RGS7: variants seen among roughly 807,000 people sequenced by gnomAD.
RGS7 encodes the protein regulator of G protein signaling 7.
In RGS7, 27 loss-of-function variants were observed where a neutral mutation model predicts 81.1. The ratio of observed to expected loss-of-function variants is 0.33; its 90% CI spans 0.25 to 0.46. The LOEUF is 0.46. RGS7 is among the 20% of genes least tolerant of loss of function. The pLI is 1.00. For missense variants in RGS7, 396 were observed against 607.4 expected, an observed-to-expected ratio of 0.65 and a Z score of 3.66; for synonymous variants, 208 against 207.7, an observed-to-expected ratio of 1.00 and a Z score of -0.01.
At chr1:241,275,685 A>G (rs1043407895) in intron 2 of RGS7, among the ~76,000 whole-genome samples, 3 of 152,182 alleles carry the variant, frequency 2.0e-5, no homozygotes, top group African/African-American at 7.2e-5. Flanking sequence ...TAATGATTCC[A>G]CAGAGCCCTA....
At chr1:240,856,915 A>T (rs1323145367) in intron 9 of RGS7, among the ~76,000 whole-genome samples, 1 of 152,216 alleles carries the variant, frequency 6.6e-6, no homozygotes. Flanking sequence ...GTCAAGAATG[A>T]ATCTACCAAA....
Position 240,868,097 on chromosome 1 carries a change from GAAAA to G in RGS7, c.609+486_609+489del, listed in dbSNP as rs1215198958. On this transcript the variant is annotated intron_variant, in intron 9 of 18. Coordinates refer to ENST00000440928, the MANE Select transcript of RGS7 (RefSeq NM_001364886.1). The surrounding 1 kb of genome is among the most constrained non-coding windows in gnomAD (Gnocchi z 5.1). Reference sequence around the variant, plus strand: ...AAGAAAGAAAGAAAAAGAAAGAAAAGAAAAAGAAAGAAAAGAAAAGGAAAGAAAG... The same window carrying G: ...AAGAAAGAAAGAAAAAGAAAGAAAAGAGAAAGAAAAGAAAAGGAAAGAAAG... 8.1e-6 allele frequency among the ~76,000 whole-genome samples: 1 copy of G among 123,086 alleles called. No homozygotes were observed. The highest frequency in any genetic ancestry group is 3.2e-5 in the African/African-American group (1 of 31,056). The allele number at this position is 123,086 out of a possible 152,430, so 80.7% of individuals were successfully genotyped here. A position where few individuals can be genotyped will look rare whatever the true frequency, so the allele number is the denominator to read the frequency against.
At chr1:241,182,402 T>C (rs11811203) in intron 2 of RGS7, among the ~76,000 whole-genome samples, 59,892 of 152,010 alleles carry the variant, frequency 0.39, 12,313 homozygotes, top group Non-Finnish European at 0.45. Context: ...ACTGAGAGAA[T>C]TGAATGAAGT....
chr1:241,083,832 TTCTC>T (rs2063287111), intron 3 of RGS7, among the ~76,000 whole-genome samples: 1 of 152,188 alleles, frequency 6.6e-6, no homozygotes, highest in African/African-American at 2.4e-5. Context: ...AGCAATCTAT[TTCTC>T]TCTTAATTTC....
At chr1:241,230,404 G>T (rs1247255234) in intron 2 of RGS7, among the ~76,000 whole-genome samples, 2 of 152,032 alleles carry the variant, frequency 1.3e-5, no homozygotes, top group South Asian at 4.2e-4. Flanking sequence ...AGTAGAGAGA[G>T]GGTTTCGCCA....
intron 2 of RGS7, among the ~76,000 whole-genome samples, chr1:241,180,796 G>A (rs1277018698): frequency 6.6e-6 from 1 of 152,226 alleles, no homozygotes; most frequent in Non-Finnish European, 1.5e-5. Context: ...CAGCGCACGG[G>A]AGTCAAGAGC....
chr1:240,847,836 A>G (rs1314438951), intron 9 of RGS7, among the ~76,000 whole-genome samples: 1 of 152,170 alleles, frequency 6.6e-6, no homozygotes, highest in East Asian at 1.9e-4. Context: ...ATACAAACAA[A>G]ATCCAATATC....
At chr1:241,030,373 T>TATATATATATATATATATATACACACAC (rs374223475) in intron 3 of RGS7, among the ~76,000 whole-genome samples, 1 of 135,182 alleles carries the variant, frequency 7.4e-6, no homozygotes, top group African/African-American at 2.8e-5. Context: ...TATATATATA[T>TATATATATATATATATATATACACACAC]ACATACACAC....
At chr1:241,354,665 A>G (rs896294499) in intron 2 of RGS7, among the ~76,000 whole-genome samples, 1 of 152,212 alleles carries the variant, frequency 6.6e-6, no homozygotes, top group African/African-American at 2.4e-5. Context: ...ATTCATAATC[A>G]GCTCTGATCC....
intron 6 of RGS7, among the ~76,000 whole-genome samples, chr1:240,925,305 G>A (rs1055608899): frequency 1.3e-4 from 19 of 151,954 alleles, no homozygotes; most frequent in Non-Finnish European, 1.5e-4. Context: ...ACCTGCCAGC[G>A]TCTATTGTTC....
chr1:241,279,612 A>C (rs2078395450), intron 2 of RGS7, among the ~76,000 whole-genome samples: 1 of 152,230 alleles, frequency 6.6e-6, no homozygotes, highest in Non-Finnish European at 1.5e-5. Context: ...GTATAGTAAA[A>C]TATCACAACC....
intron 2 of RGS7, among the ~76,000 whole-genome samples, chr1:241,310,469 GTGTC>G (rs1335787020): frequency 3.6e-5 from 3 of 83,954 alleles, no homozygotes; most frequent in Admixed American, 1.7e-4. Context: ...GAGAGTGTGT[GTGTC>G]TGTGTGTCTG....
chr1:241,153,702 GA>G (rs1326883277), intron 2 of RGS7, among the ~76,000 whole-genome samples: 1 of 152,196 alleles, frequency 6.6e-6, no homozygotes, highest in Admixed American at 6.5e-5. Flanking sequence ...AATAATGGTG[GA>G]AACCTGATCT....
At chr1:241,087,075 G>A (rs902677936) in intron 3 of RGS7, among the ~76,000 whole-genome samples, 6 of 152,086 alleles carry the variant, frequency 3.9e-5, no homozygotes, top group African/African-American at 7.2e-5. Flanking sequence ...TGATCCCCTC[G>A]AGGACAGACA....
intron 6 of RGS7, chr1:240,919,821 G>A: frequency 2.6e-6 from 2 of 756,992 alleles, no homozygotes; most frequent in Middle Eastern, 3.6e-4. Context: ...CATGGGCTTT[G>A]GGTTTGTCAC....
rs2103112076 is a variant in RGS7, at chr1:240,814,778, C to G, written c.784-1G>C. The G allele has an allele frequency of 6.3e-7, 1 of 1,580,850 alleles. No homozygotes were observed. Among genetic ancestry groups the G allele is most frequent in the Non-Finnish European group, 8.7e-7 (1 of 1,150,292 alleles). ...CTAACTGTATTTGCCAATATTTTAT[C>G]TGAAAAGAGGGTTAGAGAAGGAGTT... is the stretch of plus-strand genomic sequence containing the variant. On this transcript the variant is annotated splice_acceptor_variant, in intron 11 of 18. Transcript: ENST00000440928. LOFTEE classifies it high-confidence loss of function.
intron 14 of RGS7, among the ~76,000 whole-genome samples, chr1:240,808,092 G>A (rs1689209038): frequency 6.7e-6 from 1 of 149,776 alleles, no homozygotes; most frequent in Non-Finnish European, 1.5e-5. Flanking sequence ...CAGAAGTGTT[G>A]AAATTAACAT....
intron 2 of RGS7, among the ~76,000 whole-genome samples, chr1:241,115,425 A>G (rs2065822512): frequency 6.6e-6 from 1 of 152,202 alleles, no homozygotes; most frequent in Admixed American, 6.5e-5. Context: ...ATAAAATTAC[A>G]TGATTTCTTT....
At chr1:241,226,103 C>A (rs554746321) in intron 2 of RGS7, among the ~76,000 whole-genome samples, 3 of 152,068 alleles carry the variant, frequency 2.0e-5, no homozygotes, top group African/African-American at 7.2e-5. Context: ...GATGAGAGCA[C>A]CCAAGTTCAT....
Sources: gnomAD v4.1 joint callset for allele counts (sites outside exome capture counted in the v4.1 genomes callset) on GRCh38, gnomAD v4.1.1 for gene constraint, Gnocchi (gnomAD v3.1) non-coding constraint, MANE v1.5 for transcripts, NCBI Gene and HGNC (gene_info 2026-07-23, HGNC 2026-07-21) for gene names.